FGF9: variants seen among roughly 807,000 people sequenced by gnomAD.
The protein encoded by FGF9 is fibroblast growth factor 9.
In FGF9, 3 loss-of-function variants were observed where a neutral mutation model predicts 19.9. The observed-to-expected ratio is 0.15, with a 90% CI of 0.07 to 0.39. FGF9 has a LOEUF of 0.39. Among genes scored for constraint, FGF9 ranks in the 10% least tolerant of loss-of-function variants. The pLI, the probability that FGF9 is intolerant of heterozygous loss-of-function variation, is 1.00. For synonymous variants in FGF9, 107 were observed against 106.9 expected, an observed-to-expected ratio of 1.00 and a Z score of -0.01; for missense variants, 175 against 256.8, an observed-to-expected ratio of 0.68 and a Z score of 2.18.
At chr13:21,683,708 A>T (rs1382709352) in intron 2 of FGF9, among the ~76,000 whole-genome samples, 5 of 152,242 alleles carry the variant, frequency 3.3e-5, no homozygotes, top group Admixed American at 6.5e-5. Flanking sequence ...GCTCCAAGGA[A>T]GGGTGGCTGT....
intron 2 of FGF9, 123 bp from the exon 3 acceptor site, chr13:21,701,067 T>G: frequency 1.4e-6 from 1 of 733,778 alleles, no homozygotes; most frequent in Non-Finnish European, 2.4e-6. Flanking sequence ...GATGCGCAGG[T>G]TTGTTAAATA....
chr13:21,692,775 C>T (rs1174761050), intron 2 of FGF9, among the ~76,000 whole-genome samples: 1 of 152,100 alleles, frequency 6.6e-6, no homozygotes, highest in East Asian at 1.9e-4. Context: ...AAATTAAGAC[C>T]CATGACACAG....
chr13:21,695,765 T>C lies in FGF9; in HGVS notation c.382-5425T>C, dbSNP rs9552468. On this transcript the variant is annotated intron_variant, in intron 2 of 2. Transcript: ENST00000382353. ...CTGTAATAAACAGTAGATATGAGAA[T>C]GAATGATTACATTGAAGTCATTAAC... Among the ~76,000 whole-genome samples the C allele has an allele frequency of 8.4e-4, 128 of 152,310 alleles. 1 individual carries two copies. The East Asian group carries it at 0.022, about 26-fold the overall frequency.
intron 2 of FGF9, among the ~76,000 whole-genome samples, chr13:21,695,534 G>A (rs1872388060): frequency 1.3e-5 from 2 of 152,178 alleles, no homozygotes; most frequent in South Asian, 4.1e-4. Flanking sequence ...GTCTGTCTGT[G>A]TTTGTTGCTT....
intron 2 of FGF9, among the ~76,000 whole-genome samples, chr13:21,696,080 A>G (rs1379823895): frequency 6.6e-6 from 1 of 152,236 alleles, no homozygotes; most frequent in Non-Finnish European, 1.5e-5. Context: ...ATACGAATTG[A>G]GCATAATGTT....
At chr13:21,679,205 C>T (rs1247934002) in intron 1 of FGF9, among the ~76,000 whole-genome samples, 2 of 152,160 alleles carry the variant, frequency 1.3e-5, no homozygotes, top group Non-Finnish European at 2.9e-5. Context: ...GTTTAACATC[C>T]TATTAAAATA....
chr13:21,688,554 T>C (rs9509834), intron 2 of FGF9, among the ~76,000 whole-genome samples: 43,360 of 152,106 alleles, frequency 0.29, 7,171 homozygotes, highest in East Asian at 0.43. Context: ...GAAGGTCACA[T>C]AGATGATGAC....
At chr13:21,692,683 C>T (rs1352439124) in intron 2 of FGF9, among the ~76,000 whole-genome samples, 1 of 152,182 alleles carries the variant, frequency 6.6e-6, no homozygotes, top group Non-Finnish European at 1.5e-5. Context: ...TGGTCACGCT[C>T]CCAAGTGTGT....
At chr13:21,677,431 C>G (rs1329423713) in intron 1 of FGF9, among the ~76,000 whole-genome samples, 1 of 152,214 alleles carries the variant, frequency 6.6e-6, no homozygotes, top group Admixed American at 6.5e-5. Flanking sequence ...ATCCAGCCCC[C>G]TCTGCTGCCC....
intron 2 of FGF9, among the ~76,000 whole-genome samples, chr13:21,698,030 G>T (rs551432178): frequency 1.3e-5 from 2 of 152,050 alleles, no homozygotes; most frequent in African/African-American, 4.8e-5. Flanking sequence ...GGATGGTCTC[G>T]ATCTCCTGAC....
chr13:21,683,535 G>A (rs1441122341), intron 2 of FGF9, among the ~76,000 whole-genome samples: 1 of 152,198 alleles, frequency 6.6e-6, no homozygotes, highest in African/African-American at 2.4e-5. Flanking sequence ...GGCAGGAATA[G>A]ACTTGTCACC....
chr13:21,695,814 C>T (rs17070593), intron 2 of FGF9, among the ~76,000 whole-genome samples: 273 of 152,296 alleles, frequency 1.8e-3, no homozygotes, highest in African/African-American at 6.3e-3. Flanking sequence ...GGGACCTCTA[C>T]AGTGAAGTCA....
At chr13:21,686,309 G>T (rs1488890662) in intron 2 of FGF9, among the ~76,000 whole-genome samples, 3 of 152,266 alleles carry the variant, frequency 2.0e-5, no homozygotes, top group Admixed American at 6.5e-5. Flanking sequence ...GATTACAGGC[G>T]TGAGCCCCCA....
chr13:21,685,379 A>G (rs1417617769), intron 2 of FGF9, among the ~76,000 whole-genome samples: 1 of 152,140 alleles, frequency 6.6e-6, no homozygotes, highest in Non-Finnish European at 1.5e-5. Flanking sequence ...TTTTGTCTTC[A>G]GGTTTACCTT....
intron 2 of FGF9, among the ~76,000 whole-genome samples, chr13:21,692,963 T>A (rs946281957): frequency 6.6e-6 from 1 of 152,254 alleles, no homozygotes; most frequent in African/African-American, 2.4e-5. Flanking sequence ...TATGAGGGGT[T>A]TAATTTACTT....
At chr13:21,694,787 C>A (rs1405798190) in intron 2 of FGF9, among the ~76,000 whole-genome samples, 2 of 152,192 alleles carry the variant, frequency 1.3e-5, no homozygotes, top group Admixed American at 6.5e-5. Flanking sequence ...AACATTAACA[C>A]AAGCAAAAAT....
At chr13:21,696,272 C>T (rs1273537644) in intron 2 of FGF9, among the ~76,000 whole-genome samples, 1 of 152,050 alleles carries the variant, frequency 6.6e-6, no homozygotes. Flanking sequence ...CAGTTTTTCC[C>T]ACCGCTTGGA....
At chr13:21,700,992 A>G (rs1872526125) in intron 2 of FGF9, among the ~76,000 whole-genome samples, 198 bp from the exon 3 acceptor site, 1 of 152,194 alleles carries the variant, frequency 6.6e-6, no homozygotes, top group African/African-American at 2.4e-5. Context: ...CTAATTATGC[A>G]ACATATTTAT....
intron 2 of FGF9, among the ~76,000 whole-genome samples, chr13:21,692,878 A>G (rs1872324253): frequency 6.6e-6 from 1 of 152,254 alleles, no homozygotes; most frequent in Non-Finnish European, 1.5e-5. Context: ...CTTATTTACC[A>G]AGATTAATTT....
Sources: allele counts gnomAD v4.1 joint callset (sites outside exome capture counted in the v4.1 genomes callset), GRCh38; gene constraint gnomAD v4.1.1; transcripts MANE v1.5; gene names NCBI Gene and HGNC (gene_info 2026-07-23, HGNC 2026-07-21).